Variants in MRTFA observed in about 807,000 individuals in gnomAD.
MRTFA encodes the protein myocardin-related transcription factor A.
In MRTFA, 20 loss-of-function variants were observed where a neutral mutation model predicts 83.5. That is an observed-to-expected ratio of 0.24 (90% CI 0.17 to 0.35). MRTFA has a LOEUF of 0.35. Among genes scored for constraint, MRTFA ranks in the 10% least tolerant of loss-of-function variants. The pLI is 1.00. For missense variants in MRTFA, 1,200 were observed against 1,224.7 expected, an observed-to-expected ratio of 0.98 and a Z score of 0.30; for synonymous variants, 659 against 541.2, an observed-to-expected ratio of 1.22 and a Z score of -3.02.
chr22:40,563,356 AG>A (rs2055657215), intron 2 of MRTFA, among the ~76,000 whole-genome samples: 1 of 152,220 alleles, frequency 6.6e-6, no homozygotes, highest in Non-Finnish European at 1.5e-5. Flanking sequence ...ATTCACTGAA[AG>A]GAACTCCATT....
chr22:40,632,191 C>G (rs2056648629), intron 1 of MRTFA, among the ~76,000 whole-genome samples: 1 of 152,182 alleles, frequency 6.6e-6, no homozygotes, highest in African/African-American at 2.4e-5. Flanking sequence ...CAACAGCCTG[C>G]ACCAACCTGC....
rs536769884 is a variant in MRTFA, at chr22:40,572,130, T to C, written c.-21-19763A>G. ...AAACTGGAGTTCACGTATTATCCCA[T>C]TCATATAAAGTCTAGAATTGGGACA... On this transcript the variant is annotated intron_variant, in intron 2 of 14. Coordinates refer to ENST00000355630, the MANE Select transcript of MRTFA (RefSeq NM_020831.6). Among the ~76,000 whole-genome samples, 4 of 152,188 alleles carry C rather than the reference T, an allele frequency of 2.6e-5. No homozygotes were observed. The South Asian group carries it at 8.3e-4, about 31-fold the overall frequency.
chr22:40,618,066 T>G (rs1373884699), intron 1 of MRTFA, among the ~76,000 whole-genome samples: 1 of 148,450 alleles, frequency 6.7e-6, no homozygotes, highest in African/African-American at 2.5e-5. Context: ...GATTGAGGAG[T>G]AAGGTTGTTT....
Position 40,483,231 on chromosome 22 carries a change from T to TA in MRTFA, c.242-19946dup, listed in dbSNP as rs572389138. ...GCTCTCCACCACGTCTGGCTAATTT[T>TA]AAAAAAATTTTTTTGTAGAGATGGG... On this transcript the variant is annotated intron_variant, in intron 3 of 14. Coordinates refer to ENST00000355630, the MANE Select transcript of MRTFA (RefSeq NM_020831.6). 1.4e-3 allele frequency among the ~76,000 whole-genome samples: 215 copies of TA among 152,056 alleles called. 10 individuals carry two copies. The South Asian group carries it at 0.044, about 31-fold the overall frequency.
chr22:40,490,331 T>C (rs2054251045), intron 3 of MRTFA, among the ~76,000 whole-genome samples: 1 of 152,206 alleles, frequency 6.6e-6, no homozygotes, highest in Non-Finnish European at 1.5e-5. Flanking sequence ...CTGGGCGCGA[T>C]GGCTCACGCC....
chr22:40,534,903 G>C (rs1308531248), intron 3 of MRTFA, among the ~76,000 whole-genome samples: 4 of 152,130 alleles, frequency 2.6e-5, no homozygotes, highest in Non-Finnish European at 4.4e-5. Flanking sequence ...AAAGCAGTAG[G>C]AGACCTTAAG....
chr22:40,459,782 T>TACACACACACAC (rs745698441), intron 4 of MRTFA, among the ~76,000 whole-genome samples: 16 of 88,926 alleles, frequency 1.8e-4, no homozygotes, highest in Middle Eastern at 6.5e-3. Context: ...TGATAAAATA[T>TACACACACACAC]ACACACACAC....
At chr22:40,487,193 G>T (rs1443647389) in intron 3 of MRTFA, among the ~76,000 whole-genome samples, 3 of 152,142 alleles carry the variant, frequency 2.0e-5, no homozygotes, top group Admixed American at 2.0e-4. Flanking sequence ...GGTGAGTACA[G>T]CCTTTACCAC....
chr22:40,558,697 CA>C (rs1402206291), intron 2 of MRTFA, among the ~76,000 whole-genome samples: 34 of 151,526 alleles, frequency 2.2e-4, no homozygotes, highest in African/African-American at 7.5e-4. Context: ...AACGGCCCCC[CA>C]AAAGAAAGCC....
intron 7 of MRTFA, among the ~76,000 whole-genome samples, chr22:40,427,664 G>C (rs2052983617): frequency 6.6e-6 from 1 of 152,288 alleles, no homozygotes; most frequent in South Asian, 2.1e-4. Context: ...TCATCACAGA[G>C]CAGCTAAAAC....
At chr22:40,600,793 C>A (rs1053422379) in intron 1 of MRTFA, among the ~76,000 whole-genome samples, 1 of 152,152 alleles carries the variant, frequency 6.6e-6, no homozygotes, top group Non-Finnish European at 1.5e-5. Context: ...GCCTGGCCAA[C>A]GTAGTGAAAC....
chr22:40,617,016 T>C (rs1014390059), intron 1 of MRTFA, among the ~76,000 whole-genome samples: 15 of 151,288 alleles, frequency 9.9e-5, no homozygotes, highest in East Asian at 5.9e-4. Context: ...GGTGGGAGGA[T>C]TGCTTGAGCT....
intron 7 of MRTFA, among the ~76,000 whole-genome samples, chr22:40,427,372 T>G (rs1273383291): frequency 6.6e-6 from 1 of 152,348 alleles, no homozygotes; most frequent in Admixed American, 6.5e-5. Context: ...GAGGAGGCCC[T>G]AGAAACTGCC....
intron 3 of MRTFA, among the ~76,000 whole-genome samples, chr22:40,531,888 A>G (rs1239217373): frequency 6.6e-6 from 1 of 152,242 alleles, no homozygotes; most frequent in African/African-American, 2.4e-5. Flanking sequence ...TTGATCATAT[A>G]GGAGACAGGT....
chr22:40,469,321 T>C (rs2147163497), intron 3 of MRTFA, among the ~76,000 whole-genome samples: 1 of 152,224 alleles, frequency 6.6e-6, no homozygotes, highest in East Asian at 1.9e-4. Context: ...AGTAATGAGT[T>C]CTCACTCTTT....
chr22:40,479,320 T>C (rs2054050234), intron 3 of MRTFA, among the ~76,000 whole-genome samples: 1 of 152,116 alleles, frequency 6.6e-6, no homozygotes, highest in South Asian at 2.1e-4. Flanking sequence ...CCACTCACTA[T>C]GTAAACATCA....
At chr22:40,419,453 G>A in intron 11 of MRTFA, 69 bp from the exon 12 acceptor site, 1 of 1,443,116 alleles carries the variant, frequency 6.9e-7, no homozygotes, top group South Asian at 1.2e-5. Flanking sequence ...CAGGCAGAAG[G>A]GCAGTCTGGG....
At chr22:40,513,909 C>A (rs1569305703) in intron 3 of MRTFA, among the ~76,000 whole-genome samples, 1 of 151,766 alleles carries the variant, frequency 6.6e-6, no homozygotes, top group Non-Finnish European at 1.5e-5. Flanking sequence ...CCAGCCTGGG[C>A]AACATAGTGA....
chr22:40,608,998 T>C (rs2056352248), intron 1 of MRTFA, among the ~76,000 whole-genome samples: 1 of 152,174 alleles, frequency 6.6e-6, no homozygotes, highest in Non-Finnish European at 1.5e-5. Context: ...GGTAGGAATA[T>C]AAAATTACAT....
Sources: gnomAD v4.1 joint callset for allele counts (sites outside exome capture counted in the v4.1 genomes callset) on GRCh38, gnomAD v4.1.1 for gene constraint, MANE v1.5 for transcripts, NCBI Gene and HGNC (gene_info 2026-07-23, HGNC 2026-07-21) for gene names.